Variants in ZNF257 observed in about 807,000 individuals in gnomAD.
ZNF257 encodes bone marrow zinc finger 4.
ZNF257 carries 12 observed loss-of-function variants against 11.9 expected under a neutral mutation model. The ratio of observed to expected loss-of-function variants is 1.01; its 90% CI spans 0.65 to 1.63. ZNF257 has a LOEUF of 1.63. ZNF257 is among the 40% of genes most tolerant of loss of function. The pLI is 0.00. For missense variants in ZNF257, 580 were observed against 665.5 expected, an observed-to-expected ratio of 0.87 and a Z score of 1.41; for synonymous variants, 183 against 222.7, an observed-to-expected ratio of 0.82 and a Z score of 1.59.
chr19:22,058,472 A>C (rs529413271), intron 1 of ZNF257, among the ~76,000 whole-genome samples: 6 of 152,146 alleles, frequency 3.9e-5, no homozygotes, highest in African/African-American at 1.4e-4. Flanking sequence ...TGTTCCTGAC[A>C]TCTGCAGTAA....
intron 3 of ZNF257, among the ~76,000 whole-genome samples, chr19:22,078,653 C>A (rs962842034): frequency 6.6e-6 from 1 of 151,860 alleles, no homozygotes; most frequent in African/African-American, 2.4e-5. Flanking sequence ...CTAAGACAAG[C>A]GTCATGTTTT....
chr19:22,088,468 C>A lies in ZNF257; in HGVS notation c.718C>A (p.Arg240=). The part of the protein sequence containing the change: ...KCEECGKAFN[R]SSHLTQHKVI... Reference sequence around the variant, plus strand: ...TGAAGAGTGTGGAAAAGCTTTTAACCGGTCTTCACACCTTACTCAACATAA... The same window carrying A: ...TGAAGAGTGTGGAAAAGCTTTTAACAGGTCTTCACACCTTACTCAACATAA... The change falls in exon 4 of 4, where the codon CGG becomes AGG. Residue 240 remains arginine, a synonymous_variant. Coordinates refer to ENST00000594947, the MANE Select transcript of ZNF257 (RefSeq NM_033468.4). 1 of 1,611,524 alleles carries A rather than the reference C, an allele frequency of 6.2e-7. No homozygotes were observed. Among genetic ancestry groups the A allele is most frequent in the Non-Finnish European group, 8.5e-7 (1 of 1,179,030 alleles).
chr19:22,079,913 T>C (rs1295136470), intron 3 of ZNF257, among the ~76,000 whole-genome samples: 1 of 152,166 alleles, frequency 6.6e-6, no homozygotes, highest in Non-Finnish European at 1.5e-5. Context: ...CCAGTTTTGC[T>C]TTTAATTCCT....
At chr19:22,071,522 G>A (rs2022102400) in intron 1 of ZNF257, among the ~76,000 whole-genome samples, 1 of 151,866 alleles carries the variant, frequency 6.6e-6, no homozygotes, top group African/African-American at 2.4e-5. Flanking sequence ...CAAGAGCTGT[G>A]TCCACTCTGC....
intron 1 of ZNF257, among the ~76,000 whole-genome samples, chr19:22,055,181 G>C: frequency 6.6e-6 from 1 of 152,228 alleles, no homozygotes; most frequent in East Asian, 1.9e-4. Flanking sequence ...AATAAAAATA[G>C]TGAAACATTT....
intron 3 of ZNF257, among the ~76,000 whole-genome samples, chr19:22,086,063 A>G (rs1250228126): frequency 6.6e-6 from 1 of 152,118 alleles, no homozygotes; most frequent in African/African-American, 2.4e-5. Context: ...ATTTTCTAAA[A>G]GACAAAGACT....
At chr19:22,061,621 C>CTTT (rs530083108) in intron 1 of ZNF257, among the ~76,000 whole-genome samples, 15 of 146,210 alleles carry the variant, frequency 1.0e-4, no homozygotes, top group Middle Eastern at 3.6e-3. Context: ...ATTTGGATGC[C>CTTT]TTTTTTTTTT....
In ZNF257 at chr19:22,087,346, G is replaced by A. The variant is rs539563057; in HGVS notation, c.227-631G>A. ...GGAGCCTTTCAAACATGTTCTTAGA[G>A]TGTGTCTGATCTGAAATGTTTTATT... On this transcript the variant is annotated intron_variant, in intron 3 of 3. Coordinates refer to ENST00000594947, the MANE Select transcript of ZNF257 (RefSeq NM_033468.4). Among the ~76,000 whole-genome samples the A allele has an allele frequency of 1.4e-4, 22 of 152,016 alleles. No individual in the cohort carries two copies. The South Asian group carries it at 4.6e-3, about 31-fold the overall frequency.
chr19:22,068,745 A>C (rs530168457), intron 1 of ZNF257, among the ~76,000 whole-genome samples: 56 of 152,268 alleles, frequency 3.7e-4, no homozygotes, highest in African/African-American at 1.3e-3. Flanking sequence ...GTGATACTGG[A>C]GTAGAACATT....
intron 1 of ZNF257, among the ~76,000 whole-genome samples, chr19:22,063,473 ATT>A (rs1322051973): frequency 1.3e-5 from 2 of 152,210 alleles, no homozygotes; most frequent in African/African-American, 4.8e-5. Context: ...TCTTTCTAAC[ATT>A]TCGATGTGAG....
At position 22,088,565 on chromosome 19, in the gene ZNF257, T is replaced by G; in HGVS notation, c.815T>G (p.Ile272Ser). 6.2e-7 allele frequency: 1 copy of G among 1,613,366 alleles called. No homozygotes were observed. The highest frequency in any genetic ancestry group is 1.1e-5 in the South Asian group (1 of 91,050). The change falls in exon 4 of 4, where the codon ATT becomes AGT. Residue 272 changes from isoleucine (I) to serine (S), a missense_variant. Physicochemically the swap from Ile to Ser is moderately radical, Grantham distance 142. Transcript: ENST00000594947. ...AAAGCCTTTAACCGGTCTTCACACA[T>G]TACTCAACATAAGAGAATTCATAAT... The part of the protein sequence containing the change: ...CGKAFNRSSH[I>S]TQHKRIHNRE...
At chr19:22,057,862 C>T (rs1218873463) in intron 1 of ZNF257, among the ~76,000 whole-genome samples, 1 of 152,058 alleles carries the variant, frequency 6.6e-6, no homozygotes, top group African/African-American at 2.4e-5. Flanking sequence ...TGGGTTCAAG[C>T]GATTCTCCTG....
chr19:22,062,753 C>T (rs1267127707), intron 1 of ZNF257, among the ~76,000 whole-genome samples: 2 of 152,160 alleles, frequency 1.3e-5, no homozygotes, highest in Non-Finnish European at 2.9e-5. Context: ...AGAGCTATTA[C>T]AGGTGTGAGC....
At chr19:22,056,242 A>G (rs1346563430) in intron 1 of ZNF257, among the ~76,000 whole-genome samples, 1 of 152,056 alleles carries the variant, frequency 6.6e-6, no homozygotes, top group Non-Finnish European at 1.5e-5. Flanking sequence ...ACCTGAACTC[A>G]GGAGTTTGAG....
In ZNF257 at chr19:22,070,461, G is replaced by C. The variant is rs2022075874; in HGVS notation, c.4-2348G>C. Among the ~76,000 whole-genome samples, 4 of 152,142 alleles carry C rather than the reference G, an allele frequency of 2.6e-5. No individual in the cohort carries two copies. In the South Asian group the frequency reaches 8.3e-4, roughly 31 times the overall value. ...TGTTATGAAGATTATGTCACATAAT[G>C]TGTTATTCCCAGCACAGTGCTCCGT... is the stretch of plus-strand genomic sequence containing the variant. On this transcript the variant is annotated intron_variant, in intron 1 of 3. Coordinates refer to ENST00000594947, the MANE Select transcript of ZNF257 (RefSeq NM_033468.4).
At chr19:22,066,359 C>G (rs964380524) in intron 1 of ZNF257, 16 of 155,982 alleles carry the variant, frequency 1.0e-4, no homozygotes, top group African/African-American at 3.1e-4. Flanking sequence ...ACCCAGGAGG[C>G]CTGCAGGCTC....
At position 22,052,747 on chromosome 19, in the gene ZNF257, C is replaced by T. The variant is rs1368806842; in HGVS notation, c.3+112C>T. ...CTTGCAGTCAGCCCTACCATCTGCG[C>T]CCGAGTTTTCCTTGGCCAGCTCGGC... On this transcript the variant is annotated intron_variant, in intron 1 of 3. Transcript: ENST00000594947. The T allele has an allele frequency of 6.8e-5, 90 of 1,328,608 alleles. 3 individuals are homozygous for T. In the South Asian group the frequency reaches 1.0e-3, roughly 15 times the overall value. 82.3% of individuals were successfully genotyped at this position (1,328,608 alleles called of 1,614,324 possible).
intron 1 of ZNF257, among the ~76,000 whole-genome samples, chr19:22,062,574 CT>C: frequency 6.6e-6 from 1 of 151,724 alleles, no homozygotes; most frequent in East Asian, 2.0e-4. Context: ...CCTCCACCTC[CT>C]GGGTTCAAGC....
At position 22,088,753 on chromosome 19, in the gene ZNF257, A is replaced by G. The variant is rs1159514478; in HGVS notation, c.1003A>G (p.Lys335Glu). 6.2e-7 allele frequency: 1 copy of G among 1,612,508 alleles called. No homozygotes were observed. The highest frequency in any genetic ancestry group is 1.7e-5 in the Admixed American group (1 of 59,886). Residue 335 changes from lysine to glutamate, a missense_variant, in exon 4 of 4, where the codon AAG becomes GAG. Physicochemically the swap from Lys to Glu is moderately conservative, Grantham distance 56 (BLOSUM62 1). Transcript: ENST00000594947. ...FNQSSALTRHKMIHTGEKPFQ... is the reference protein window; with the variant it reads ...FNQSSALTRHEMIHTGEKPFQ... ...CCAGTCCTCAGCCCTTACTCGACAT[A>G]AGATGATTCATACTGGAGAGAAACC...
Sources: allele counts gnomAD v4.1 joint callset (sites outside exome capture counted in the v4.1 genomes callset), GRCh38; gene constraint gnomAD v4.1.1; transcripts MANE v1.5; gene names NCBI Gene and HGNC (gene_info 2026-07-23, HGNC 2026-07-21).